The following MAML1 variants were observed in gnomAD, a reference collection of about 807,000 sequenced individuals.
MAML1 encodes mastermind like transcriptional coactivator 1.
MAML1 carries 14 observed loss-of-function variants against 77.1 expected under a neutral mutation model. The ratio of observed to expected loss-of-function variants is 0.18; its 90% CI spans 0.12 to 0.28. MAML1 has a LOEUF of 0.28. MAML1 is among the 10% of genes least tolerant of loss of function. The pLI is 1.00. For synonymous variants in MAML1, 516 were observed against 551.9 expected, an observed-to-expected ratio of 0.93 and a Z score of 0.91; for missense variants, 1,217 against 1,327.8, an observed-to-expected ratio of 0.92 and a Z score of 1.30.
chr5:179,762,710 C>T (rs948200393), intron 1 of MAML1, among the ~76,000 whole-genome samples: 2 of 152,116 alleles, frequency 1.3e-5, no homozygotes, highest in South Asian at 4.1e-4. Flanking sequence ...GCTGTTTGCC[C>T]ATCTCTATTG....
intron 2 of MAML1, 113 bp from the exon 3 acceptor site, chr5:179,768,737 A>T: frequency 7.4e-7 from 1 of 1,355,188 alleles, no homozygotes; most frequent in Non-Finnish European, 1.0e-6. Context: ...ATTCGAGGTC[A>T]GAAGGGAAGC....
At chr5:179,772,479 A>G (rs746828165) in intron 4 of MAML1, among the ~76,000 whole-genome samples, 12 of 152,302 alleles carry the variant, frequency 7.9e-5, no homozygotes, top group Non-Finnish European at 1.5e-4. Context: ...GTTACGGCCA[A>G]TCCCTGAACA....
At chr5:179,744,740 C>A (rs1779347804) in intron 1 of MAML1, among the ~76,000 whole-genome samples, 1 of 151,984 alleles carries the variant, frequency 6.6e-6, no homozygotes, top group South Asian at 2.1e-4. Context: ...GTCTTGAACT[C>A]CTGGCCTCAG....
Position 179,776,373 on chromosome 5 carries a change from G to C in MAML1, c.*1496G>C. On this transcript the variant is annotated 3_prime_UTR_variant, in exon 5 of 5. Transcript: ENST00000292599. ...CCTGAGTCGCGGTGAGGGGACGAGA[G>C]GTTGTACACACATTGGTAGTTATTT... 2.0e-6 allele frequency: 2 copies of C among 985,838 alleles called. No homozygotes were observed. Among genetic ancestry groups the C allele is most frequent in the Non-Finnish European group, 2.4e-6 (2 of 829,944 alleles). 61.1% of individuals were successfully genotyped at this position (985,838 alleles called of 1,614,324 possible). A position where few individuals can be genotyped will look rare whatever the true frequency, so the allele number is the denominator to read the frequency against.
At chr5:179,758,997 CAA>C (rs767659852) in intron 1 of MAML1, among the ~76,000 whole-genome samples, 10 of 142,556 alleles carry the variant, frequency 7.0e-5, no homozygotes, top group African/African-American at 2.6e-4. Flanking sequence ...GACTCCGACT[CAA>C]AAAAAAAAAA....
At chr5:179,763,304 C>CTAAAG in intron 1 of MAML1, among the ~76,000 whole-genome samples, 1 of 152,276 alleles carries the variant, frequency 6.6e-6, no homozygotes, top group Non-Finnish European at 1.5e-5. Flanking sequence ...ATTTTATGTG[C>CTAAAG]GTGGTTCCCT....
chr5:179,733,892 G>C (rs1779116876), intron 1 of MAML1, among the ~76,000 whole-genome samples: 1 of 152,206 alleles, frequency 6.6e-6, no homozygotes, highest in Non-Finnish European at 1.5e-5. Flanking sequence ...TCGGCCTTTG[G>C]TTGACCAACT....
At chr5:179,753,639 T>TTTATTATTATTA (rs1554150346) in intron 1 of MAML1, among the ~76,000 whole-genome samples, 3 of 112,520 alleles carry the variant, frequency 2.7e-5, no homozygotes, top group Non-Finnish European at 3.5e-5. Flanking sequence ...TTTGGGTTGT[T>TTTATTATTATTA]TTATTATTAT....
chr5:179,773,220 C>G (rs1193022978), intron 4 of MAML1, among the ~76,000 whole-genome samples: 2 of 152,242 alleles, frequency 1.3e-5, no homozygotes, highest in Non-Finnish European at 2.9e-5. Flanking sequence ...CAGCTCTTCC[C>G]TATCTGGCCG....
chr5:179,743,235 A>G (rs562079244), intron 1 of MAML1, among the ~76,000 whole-genome samples: 80 of 150,132 alleles, frequency 5.3e-4, no homozygotes, highest in African/African-American at 1.8e-3. Flanking sequence ...TATTTTTATT[A>G]GAGATGGGGT....
chr5:179,765,625 T>C lies in MAML1; in HGVS notation c.615T>C (p.Ser205=), dbSNP rs1336827125. The C allele has an allele frequency of 1.9e-6, 3 of 1,614,054 alleles. No homozygotes were observed. Among genetic ancestry groups the C allele is most frequent in the Admixed American group, 1.7e-5 (1 of 59,994 alleles). Residue 205 remains serine, a synonymous_variant, in exon 2 of 5, where the codon AGT becomes AGC. Coordinates refer to ENST00000292599, the MANE Select transcript of MAML1 (RefSeq NM_014757.5). ...SLHLNGGSNP[S]ESFPLSLNKE... is the part of the protein sequence containing the mutation. ...ACTTGAATGGAGGCAGTAACCCCAG[T>C]GAGTCATTTCCTCTGAGCCTGAATA...
intron 1 of MAML1, among the ~76,000 whole-genome samples, chr5:179,763,257 G>T (rs1211961916): frequency 6.6e-6 from 1 of 152,218 alleles, no homozygotes; most frequent in Non-Finnish European, 1.5e-5. Context: ...CTTCCACAAG[G>T]AAAACTTTTC....
intron 1 of MAML1, among the ~76,000 whole-genome samples, chr5:179,756,615 GTAAT>G (rs149511120): frequency 0.013 from 1,918 of 152,182 alleles, 33 homozygotes; most frequent in African/African-American, 0.044. Flanking sequence ...TTATCTGTAA[GTAAT>G]GGGGAAATAA....
Position 179,774,481 on chromosome 5 carries a change from G to A in MAML1, c.2655G>A (p.Val885=). 6.2e-7 allele frequency: 1 copy of A among 1,613,316 alleles called. No individual in the cohort carries two copies. Among genetic ancestry groups the A allele is most frequent in the Non-Finnish European group, 8.5e-7 (1 of 1,180,040 alleles). The part of the protein sequence containing the change: ...KMSSPQFSQA[V]PNRPMAPMSS... ...CTAGCCCGCAATTCTCCCAGGCAGT[G>A]CCCAACAGGCCCATGGCTCCCATGA... is the stretch of plus-strand genomic sequence containing the variant. The change falls in exon 5 of 5, where the codon GTG becomes GTA. Residue 885 remains valine (V), a synonymous_variant. Coordinates refer to ENST00000292599, the MANE Select transcript of MAML1 (RefSeq NM_014757.5).
In MAML1 at chr5:179,758,895, C is replaced by T. The variant is rs190769630; in HGVS notation, c.316-6431C>T. ...GCGCACGCCTGTCATCCCAGCTACC[C>T]GGGAGGCTGAGGCAGGAGAATAGCT... On this transcript the variant is annotated intron_variant, in intron 1 of 4. Transcript: ENST00000292599. Among the ~76,000 whole-genome samples the T allele has an allele frequency of 2.3e-3, 346 of 151,938 alleles. 1 individual carries two copies. Among genetic ancestry groups the T allele is most frequent in the Admixed American group, 5.6e-3 (85 of 15,238 alleles).
chr5:179,748,310 G>T (rs1779420517), intron 1 of MAML1, among the ~76,000 whole-genome samples: 1 of 152,080 alleles, frequency 6.6e-6, no homozygotes, highest in African/African-American at 2.4e-5. Context: ...TCGAACTCCT[G>T]ACCTCAAGTG....
At chr5:179,770,300 T>C (rs1443534785) in intron 3 of MAML1, among the ~76,000 whole-genome samples, 2 of 152,018 alleles carry the variant, frequency 1.3e-5, no homozygotes, top group Non-Finnish European at 2.9e-5. Flanking sequence ...TACAAAAAAT[T>C]AGCCAAGTGT....
chr5:179,765,534 C>G lies in MAML1; in HGVS notation c.524C>G (p.Ser175Cys). 1 of 1,614,040 alleles carries G rather than the reference C, an allele frequency of 6.2e-7. No individual in the cohort carries two copies. Among genetic ancestry groups the G allele is most frequent in the Non-Finnish European group, 8.5e-7 (1 of 1,179,952 alleles). ...DKPSGADALQ[S>C]SGKHSLGLDS... ...CCTTCTGGAGCCGACGCCCTGCAGT[C>G]CAGTGGGAAGCACTCTCTGGGGCTA... is the stretch of plus-strand genomic sequence containing the variant. The change falls in exon 2 of 5, where the codon TCC becomes TGC. Residue 175 changes from serine to cysteine, a missense_variant. Physicochemically the swap from Ser to Cys is moderately radical, Grantham distance 112. This residue lies in a region of MAML1 where 312 missense variants were observed against 331.4 expected (regional missense o/e 0.94). Transcript: ENST00000292599.
chr5:179,761,414 G>T (rs1349296713), intron 1 of MAML1, among the ~76,000 whole-genome samples: 1 of 151,124 alleles, frequency 6.6e-6, no homozygotes, highest in African/African-American at 2.4e-5. Context: ...AATTAATAAA[G>T]GGCTGGGTGA....
Sources: allele counts gnomAD v4.1 joint callset (sites outside exome capture counted in the v4.1 genomes callset), GRCh38; gene constraint gnomAD v4.1.1; regional missense constraint gnomAD v4.1.1; transcripts MANE v1.5; gene names NCBI Gene and HGNC (gene_info 2026-07-23, HGNC 2026-07-21).